Variants in APPBP2 observed in about 807,000 individuals in gnomAD.
APPBP2 encodes the protein amyloid beta precursor protein binding protein 2.
A neutral mutation model predicts 76.0 loss-of-function variants in APPBP2; 15 were observed. The observed-to-expected ratio is 0.20, with a 90% CI of 0.13 to 0.30. APPBP2 has a LOEUF of 0.30. Ranked by LOEUF, APPBP2 falls within the 10% of genes least tolerant of loss-of-function variation. APPBP2 has a pLI of 1.00. For missense variants in APPBP2, 401 were observed against 687.2 expected (o/e 0.58, Z 4.66); for synonymous variants, 222 against 242.2 (o/e 0.92, Z 0.77).
intron 3 of APPBP2, among the ~76,000 whole-genome samples, chr17:60,487,523 C>T (rs139724203): frequency 0.015 from 2,271 of 152,180 alleles, 48 homozygotes; most frequent in African/African-American, 0.051. Context: ...GTAGTTCTCG[C>T]GCCATGGTTT....
rs903390611 is a variant in APPBP2 at position 60,444,229 on chromosome 17, G to A, written c.*3352C>T. The A allele has an allele frequency of 4.6e-5, 7 of 152,318 alleles. No homozygotes were observed. The highest frequency in any genetic ancestry group is 1.7e-4 in the African/African-American group (7 of 41,296). 9.4% of individuals were successfully genotyped at this position (152,318 alleles called of 1,614,324 possible). A position where few individuals can be genotyped will look rare whatever the true frequency, so the allele number is the denominator to read the frequency against. ...GCAAAGATAAAACCCCAAAAACTTT[G>A]TACTTATAGTGTTTTTCCAGTAGTA... On this transcript the variant is annotated 3_prime_UTR_variant, in exon 13 of 13. Coordinates refer to ENST00000083182, the MANE Select transcript of APPBP2 (RefSeq NM_006380.5).
chr17:60,515,912 C>A (rs1345621500), intron 1 of APPBP2, among the ~76,000 whole-genome samples: 1 of 152,204 alleles, frequency 6.6e-6, no homozygotes, highest in Non-Finnish European at 1.5e-5. Context: ...CGCCTGTAAT[C>A]CCAACACTCT....
chr17:60,447,420 C>T lies in APPBP2; in HGVS notation c.*161G>A. 2 of 709,182 alleles carry T rather than the reference C, an allele frequency of 2.8e-6. No individual in the cohort carries two copies. 43.9% of individuals were successfully genotyped at this position (709,182 alleles called of 1,614,324 possible). ...ATAACTGAATATATGCTTATTCCTA[C>T]AGACATTCTGCAAGATAGGGATCAC... On this transcript the variant is annotated 3_prime_UTR_variant, in exon 13 of 13. Transcript: ENST00000083182.
rs2091053509 is a variant in APPBP2 at position 60,526,134 on chromosome 17, T to G, written c.-203A>C. The G allele has an allele frequency of 1.7e-6, 1 of 580,168 alleles. No individual in the cohort carries two copies. The highest frequency in any genetic ancestry group is 2.9e-5 in the East Asian group (1 of 34,116). The allele number at this position is 580,168 out of a possible 1,614,324, so 35.9% of individuals were successfully genotyped here. On this transcript the variant is annotated 5_prime_UTR_variant, in exon 1 of 13. Transcript: ENST00000083182. ...AGCGGACGCAGGCCCGAGTAAAAAG[T>G]GGGACAGAAAACAGCGGCCAGCCAG... is the stretch of plus-strand genomic sequence containing the variant.
intron 11 of APPBP2, among the ~76,000 whole-genome samples, chr17:60,453,536 G>GTTTT (rs544790789): frequency 0.062 from 8,588 of 139,540 alleles, 1,040 homozygotes; most frequent in African/African-American, 0.22. Flanking sequence ...TCATGATCCT[G>GTTTT]TTTTTTTTTT....
intron 1 of APPBP2, among the ~76,000 whole-genome samples, chr17:60,522,328 CTTGTT>C (rs953908739): frequency 4.6e-5 from 7 of 152,140 alleles, no homozygotes; most frequent in Non-Finnish European, 8.8e-5. Flanking sequence ...ATATTAACGA[CTTGTT>C]TTGTTTTGAG....
chr17:60,482,321 CCCTTTGAATAGCCTCATCCCAATAAAGA>C (rs1250796492), intron 3 of APPBP2, among the ~76,000 whole-genome samples: 1 of 149,936 alleles, frequency 6.7e-6, no homozygotes, highest in Non-Finnish European at 1.5e-5. Flanking sequence ...GTTTAATTTT[CCCTTTGAATAGCCTCATCCCAATAAAGA>C]TGTGGCCTGT....
chr17:60,508,136 G>A (rs1340160561), intron 1 of APPBP2, among the ~76,000 whole-genome samples: 1 of 152,022 alleles, frequency 6.6e-6, no homozygotes, highest in Non-Finnish European at 1.5e-5. Context: ...CCAATGCCTG[G>A]CTAATTTGTG....
At chr17:60,509,287 G>A (rs2090892732) in intron 1 of APPBP2, among the ~76,000 whole-genome samples, 1 of 151,972 alleles carries the variant, frequency 6.6e-6, no homozygotes. Flanking sequence ...GCTAAGGCAG[G>A]AGAATTGCTT....
At chr17:60,472,291 C>A (rs528280066) in intron 4 of APPBP2, among the ~76,000 whole-genome samples, 1 of 152,082 alleles carries the variant, frequency 6.6e-6, no homozygotes, top group African/African-American at 2.4e-5. Context: ...AGTCTTCAGT[C>A]CTGGACTTTG....
chr17:60,449,981 G>T (rs2090380661), intron 12 of APPBP2, among the ~76,000 whole-genome samples: 1 of 151,848 alleles, frequency 6.6e-6, no homozygotes, highest in African/African-American at 2.4e-5. Flanking sequence ...CTTTTTAGTT[G>T]AGACGGGGTT....
At chr17:60,521,682 G>A (rs747249747) in intron 1 of APPBP2, among the ~76,000 whole-genome samples, 4 of 152,134 alleles carry the variant, frequency 2.6e-5, no homozygotes, top group Non-Finnish European at 5.9e-5. Flanking sequence ...CTCCCTAAGA[G>A]CTGGGATTAC....
chr17:60,519,409 C>T (rs2090989817), intron 1 of APPBP2, among the ~76,000 whole-genome samples: 1 of 151,860 alleles, frequency 6.6e-6, no homozygotes, highest in Non-Finnish European at 1.5e-5. Context: ...GGTTCAAGAC[C>T]AGCTTGGGCA....
intron 3 of APPBP2, among the ~76,000 whole-genome samples, chr17:60,482,368 G>C (rs1045973763): frequency 6.6e-6 from 1 of 152,064 alleles, no homozygotes; most frequent in Non-Finnish European, 1.5e-5. Context: ...GTCAGAAAAG[G>C]GCTTGAATGT....
intron 3 of APPBP2, among the ~76,000 whole-genome samples, chr17:60,491,255 A>G (rs112687415): frequency 0.082 from 12,488 of 152,102 alleles, 1,698 homozygotes; most frequent in African/African-American, 0.28. Context: ...CTCTTGCTAT[A>G]TTTTAGCCAA....
intron 4 of APPBP2, among the ~76,000 whole-genome samples, chr17:60,471,155 A>T (rs1205466700): frequency 6.6e-6 from 1 of 152,080 alleles, no homozygotes; most frequent in Non-Finnish European, 1.5e-5. Context: ...GATACTAGAA[A>T]CTTAATTGAC....
At chr17:60,508,367 G>A (rs969786117) in intron 1 of APPBP2, among the ~76,000 whole-genome samples, 9 of 151,754 alleles carry the variant, frequency 5.9e-5, no homozygotes, top group African/African-American at 2.2e-4. Flanking sequence ...ACCCTTTTTC[G>A]GACACAGAAA....
intron 4 of APPBP2, among the ~76,000 whole-genome samples, chr17:60,466,810 G>A (rs1448648185): frequency 1.3e-5 from 2 of 152,084 alleles, no homozygotes; most frequent in African/African-American, 4.8e-5. Context: ...AAATAATGAA[G>A]AAAATAAAAT....
At chr17:60,450,308 G>A (rs893159063) in intron 12 of APPBP2, among the ~76,000 whole-genome samples, 1 of 145,062 alleles carries the variant, frequency 6.9e-6, no homozygotes, top group Non-Finnish European at 1.6e-5. Context: ...CATGGTGGCG[G>A]GCACCTGTAG....
Sources: allele counts gnomAD v4.1 joint callset (sites outside exome capture counted in the v4.1 genomes callset), GRCh38; gene constraint gnomAD v4.1.1; transcripts MANE v1.5; gene names NCBI Gene and HGNC (gene_info 2026-07-23, HGNC 2026-07-21).